The following BRAF variants were observed in gnomAD, a reference collection of about 807,000 sequenced individuals.
BRAF encodes B-Raf proto-oncogene, serine/threonine kinase.
A neutral mutation model predicts 104.6 loss-of-function variants in BRAF; 16 were observed. The observed-to-expected ratio is 0.15, with a 90% CI of 0.10 to 0.23. The LOEUF is 0.23. Among genes scored for constraint, BRAF ranks in the 10% least tolerant of loss-of-function variants. The probability of loss-of-function intolerance (pLI) is 1.00; values close to 1 mark genes in which losing one functional copy is unlikely to be tolerated. For missense variants in BRAF, 541 were observed against 937.3 expected, an observed-to-expected ratio of 0.58 and a Z score of 5.52; for synonymous variants, 310 against 341.6, an observed-to-expected ratio of 0.91 and a Z score of 1.02.
intron 3 of BRAF, among the ~76,000 whole-genome samples, chr7:140,821,204 G>GA (rs1383603689): frequency 6.6e-6 from 1 of 151,692 alleles, no homozygotes; most frequent in African/African-American, 2.4e-5. Flanking sequence ...GGCTGGTCTT[G>GA]AACTCCTGGG....
intron 14 of BRAF, among the ~76,000 whole-genome samples, chr7:140,762,602 T>C (rs1402419830): frequency 7.0e-6 from 1 of 141,960 alleles, no homozygotes; most frequent in Non-Finnish European, 1.5e-5. Context: ...ATCCAGGAGC[T>C]GTTTTTTTTT....
intron 1 of BRAF, among the ~76,000 whole-genome samples, chr7:140,887,167 G>T (rs572633471): frequency 6.6e-6 from 1 of 152,180 alleles, no homozygotes; most frequent in Non-Finnish European, 1.5e-5. Flanking sequence ...AACCAGATAA[G>T]CAGGCTGCTG....
chr7:140,722,667 T>TGA lies in BRAF; in HGVS notation c.*3826_*3827insTC. 9.5e-7 allele frequency: 1 copy of TGA among 1,052,380 alleles called. No individual in the cohort carries two copies. Among genetic ancestry groups the TGA allele is most frequent in the Non-Finnish European group, 1.1e-6 (1 of 871,106 alleles). The allele number at this position is 1,052,380 out of a possible 1,614,324, so 65.2% of individuals were successfully genotyped here. A position where few individuals can be genotyped will look rare whatever the true frequency, so the allele number is the denominator to read the frequency against. ...AATCTTGCAAAAAGAGTAATCATTC[T>TGA]ACCCTCTTAGCTGGGTGGTCTTTCT... On this transcript the variant is annotated 3_prime_UTR_variant, in exon 20 of 20. Transcript: ENST00000644969.
At position 140,778,704 on chromosome 7, in the gene BRAF, TA is replaced by T. The variant is rs1800561072; in HGVS notation, c.1553-630del. Reference sequence around the variant, plus strand: ...CTAAAACTTAAAAGTATAATAATAATAAAAAAAGAAAATGATATTTTATTAA... The same window carrying T: ...CTAAAACTTAAAAGTATAATAATAATAAAAAAGAAAATGATATTTTATTAA... On this transcript the variant is annotated intron_variant, in intron 12 of 19. Transcript: ENST00000644969. Among the ~76,000 whole-genome samples the T allele has an allele frequency of 4.9e-5, 7 of 141,740 alleles. No individual in the cohort carries two copies. In the South Asian group the frequency reaches 1.1e-3, roughly 23 times the overall value. The allele number at this position is 141,740 out of a possible 152,430, so 93.0% of individuals were successfully genotyped here.
At chr7:140,858,515 T>C (rs1479082170) in intron 1 of BRAF, among the ~76,000 whole-genome samples, 1 of 152,194 alleles carries the variant, frequency 6.6e-6, no homozygotes, top group African/African-American at 2.4e-5. Context: ...ATAAATCATT[T>C]CATGGGAGAA....
intron 5 of BRAF, among the ~76,000 whole-genome samples, chr7:140,807,202 T>C (rs1182089126): frequency 1.3e-5 from 2 of 152,120 alleles, no homozygotes; most frequent in Non-Finnish European, 2.9e-5. Context: ...GAAAAAAGCC[T>C]CATGGAGAGT....
chr7:140,775,369 C>T (rs746478747), intron 14 of BRAF, among the ~76,000 whole-genome samples: 7 of 145,768 alleles, frequency 4.8e-5, no homozygotes, highest in South Asian at 2.2e-4. Flanking sequence ...TTTTTTGAGA[C>T]GGAATTTTGC....
At chr7:140,843,851 A>G (rs1469151065) in intron 2 of BRAF, among the ~76,000 whole-genome samples, 1 of 151,964 alleles carries the variant, frequency 6.6e-6, no homozygotes, top group African/African-American at 2.4e-5. Flanking sequence ...TAAAAATACA[A>G]AAACAAAATT....
Position 140,862,522 on chromosome 7 carries a change from A to G in BRAF, c.139-12310T>C, listed in dbSNP as rs189641487. ...CTGAGTAAAAGGGCTCAGTGAGGCT[A>G]AGGCGGATGAATTAAAAGACTCATA... On this transcript the variant is annotated intron_variant, in intron 1 of 19. Coordinates refer to ENST00000644969, the MANE Select transcript of BRAF (RefSeq NM_001374258.1). Among the ~76,000 whole-genome samples, 218 of 152,368 alleles carry G rather than the reference A, an allele frequency of 1.4e-3. 1 individual carries two copies. The highest frequency in any genetic ancestry group is 5.0e-3 in the African/African-American group (209 of 41,598).
intron 1 of BRAF, among the ~76,000 whole-genome samples, chr7:140,915,773 ACT>A (rs1817560144): frequency 6.6e-6 from 1 of 152,068 alleles, no homozygotes. Flanking sequence ...ACACTTCTTT[ACT>A]TTTTAAAAAC....
chr7:140,883,359 T>G (rs1813163438), intron 1 of BRAF, among the ~76,000 whole-genome samples: 1 of 152,236 alleles, frequency 6.6e-6, no homozygotes, highest in Admixed American at 6.5e-5. Context: ...ATTTTTCCAG[T>G]TAGCCATGTA....
intron 17 of BRAF, among the ~76,000 whole-genome samples, chr7:140,742,606 G>A (rs900548476): frequency 1.1e-4 from 17 of 152,170 alleles, no homozygotes; most frequent in African/African-American, 3.1e-4. Flanking sequence ...CACTTATCTT[G>A]CTTTCCCATT....
intron 1 of BRAF, among the ~76,000 whole-genome samples, chr7:140,920,313 G>A (rs1818081818): frequency 6.6e-6 from 1 of 152,124 alleles, no homozygotes; most frequent in Non-Finnish European, 1.5e-5. Flanking sequence ...TTTTATAATT[G>A]GGAGAAAAAG....
intron 14 of BRAF, among the ~76,000 whole-genome samples, chr7:140,771,663 A>G (rs1414019669): frequency 6.6e-6 from 1 of 152,214 alleles, no homozygotes; most frequent in Non-Finnish European, 1.5e-5. Context: ...ATTCTGAAAT[A>G]AAGGCTTTGC....
chr7:140,895,934 C>T (rs182044062), intron 1 of BRAF, among the ~76,000 whole-genome samples: 25 of 152,246 alleles, frequency 1.6e-4, no homozygotes, highest in African/African-American at 5.3e-4. Context: ...TTTGGGTAAA[C>T]GGCCAGTAGT....
chr7:140,792,442 A>G (rs1802082767), intron 8 of BRAF, among the ~76,000 whole-genome samples: 1 of 152,142 alleles, frequency 6.6e-6, no homozygotes, highest in African/African-American at 2.4e-5. Flanking sequence ...CCATTCCCCA[A>G]GCCTTCTCCT....
intron 3 of BRAF, among the ~76,000 whole-genome samples, chr7:140,820,873 C>A (rs62484291): frequency 0.057 from 8,619 of 152,272 alleles, 292 homozygotes; most frequent in South Asian, 0.11. Flanking sequence ...GTCAAGGCTG[C>A]AGTTAGCTGT....
chr7:140,900,692 C>T lies in BRAF; in HGVS notation c.138+23874G>A, dbSNP rs184985478. ...ATGGCACAATCTCAGCTCACCACAA[C>T]CTTCACCTCCCGGATTCAAGTGATT... On this transcript the variant is annotated intron_variant, in intron 1 of 19. Coordinates refer to ENST00000644969, the MANE Select transcript of BRAF (RefSeq NM_001374258.1). 2.0e-5 allele frequency among the ~76,000 whole-genome samples: 3 copies of T among 152,278 alleles called. No homozygotes were observed. The East Asian group carries it at 5.8e-4, about 29-fold the overall frequency.
chr7:140,715,327 G>A (rs1225792387), downstream of BRAF, among the ~76,000 whole-genome samples: 5 of 152,204 alleles, frequency 3.3e-5, no homozygotes, highest in Non-Finnish European at 7.3e-5. Flanking sequence ...ACTCACCTGT[G>A]TGTGAGCTGC....
Sources: allele counts gnomAD v4.1 joint callset (sites outside exome capture counted in the v4.1 genomes callset), GRCh38; gene constraint gnomAD v4.1.1; transcripts MANE v1.5; gene names NCBI Gene and HGNC (gene_info 2026-07-23, HGNC 2026-07-21).